ACOT12: variants seen among roughly 807,000 people sequenced by gnomAD.
ACOT12 encodes the protein acetyl-coenzyme A thioesterase.
A neutral mutation model predicts 67.7 loss-of-function variants in ACOT12; 51 were observed. That is an observed-to-expected ratio of 0.75 (90% CI 0.60 to 0.95). The LOEUF (loss-of-function observed/expected upper bound fraction) is 0.95. ACOT12 is among the 40% of genes least tolerant of loss of function. ACOT12 has a pLI of 0.00. For missense variants in ACOT12, 734 were observed against 708.1 expected (o/e 1.04, Z -0.41); for synonymous variants, 251 against 244.6 (o/e 1.03, Z -0.24).
chr5:81,374,501 G>A (rs1370600782), intron 2 of ACOT12, among the ~76,000 whole-genome samples: 1 of 152,154 alleles, frequency 6.6e-6, no homozygotes, highest in East Asian at 1.9e-4. Context: ...TTGATGAATT[G>A]ACAGAAGAAG....
chr5:81,338,647 T>C (rs1392945666), intron 11 of ACOT12, among the ~76,000 whole-genome samples: 2 of 152,212 alleles, frequency 1.3e-5, no homozygotes, highest in Non-Finnish European at 2.9e-5. Flanking sequence ...ACTCAAACGT[T>C]TTCTTTATCA....
At chr5:81,357,756 A>G (rs1195796514) in intron 5 of ACOT12, among the ~76,000 whole-genome samples, 2 of 152,306 alleles carry the variant, frequency 1.3e-5, no homozygotes, top group East Asian at 3.9e-4. Flanking sequence ...CTGTAACCCC[A>G]GCACTTTGGG....
intron 10 of ACOT12, among the ~76,000 whole-genome samples, chr5:81,343,418 C>T (rs1025991241): frequency 2.0e-5 from 3 of 152,162 alleles, no homozygotes; most frequent in Middle Eastern, 3.2e-3. Context: ...GACTGATAAT[C>T]AATGTGTAAT....
chr5:81,308,747 G>A, the ACOT12 span: 1 of 1,586,112 alleles, frequency 6.3e-7, no homozygotes, highest in Non-Finnish European at 8.6e-7. Flanking sequence ...TTTGTTCATG[G>A]GGAAAGCCAA....
chr5:81,349,769 A>C (rs1322460364), intron 5 of ACOT12, among the ~76,000 whole-genome samples: 1 of 152,202 alleles, frequency 6.6e-6, no homozygotes, highest in Non-Finnish European at 1.5e-5. Context: ...TATTAAATGA[A>C]ATGAATGAAT....
At position 81,330,646 on chromosome 5, in the gene ACOT12, T is replaced by C. The variant is rs1758787480; in HGVS notation, c.1519-103A>G. The C allele has an allele frequency of 2.0e-6, 3 of 1,486,894 alleles. No individual in the cohort carries two copies. The African/African-American group carries it at 4.2e-5, about 21-fold the overall frequency. 92.1% of individuals were successfully genotyped at this position (1,486,894 alleles called of 1,614,324 possible). A position where few individuals can be genotyped will look rare whatever the true frequency, so the allele number is the denominator to read the frequency against. On this transcript the variant is annotated intron_variant, in intron 14 of 14. Coordinates refer to ENST00000307624, the MANE Select transcript of ACOT12 (RefSeq NM_130767.3). ...GGTGTAGGGGAGGCTAAGACCCTAA[T>C]CTTCTGGGGGACCTTCTGGAATAGA... is the stretch of plus-strand genomic sequence containing the variant.
chr5:81,325,558 C>T (rs975892303), downstream of ACOT12, among the ~76,000 whole-genome samples: 1 of 151,954 alleles, frequency 6.6e-6, no homozygotes, highest in Admixed American at 6.6e-5. Context: ...GACAAGGAAA[C>T]GGGGGGGCAT....
intron 2 of ACOT12, among the ~76,000 whole-genome samples, chr5:81,380,581 G>A (rs3857368): frequency 0.83 from 98,236 of 117,838 alleles, 39,365 homozygotes; most frequent in East Asian, 0.9. Context: ...AAAAAAAAAA[G>A]AAAAGAAATC....
intron 5 of ACOT12, among the ~76,000 whole-genome samples, chr5:81,355,458 C>T (rs1211653891): frequency 6.6e-6 from 1 of 152,110 alleles, no homozygotes; most frequent in Non-Finnish European, 1.5e-5. Flanking sequence ...AGAAGTAGGG[C>T]ACAGAAAGAC....
chr5:81,383,237 G>T (rs1268516352), intron 2 of ACOT12, among the ~76,000 whole-genome samples: 1 of 152,136 alleles, frequency 6.6e-6, no homozygotes, highest in Non-Finnish European at 1.5e-5. Context: ...CATTATCAGG[G>T]CATGGTGGCA....
chr5:81,361,057 G>A, intron 4 of ACOT12, among the ~76,000 whole-genome samples: 1 of 115,750 alleles, frequency 8.6e-6, no homozygotes, highest in African/African-American at 3.3e-5. Context: ...CAGCCTGGGA[G>A]ACAGAGTGAG....
chr5:81,369,455 G>C (rs1331141844), intron 3 of ACOT12, among the ~76,000 whole-genome samples: 1 of 152,064 alleles, frequency 6.6e-6, no homozygotes, highest in East Asian at 1.9e-4. Context: ...GTTTGAAAAA[G>C]TAAAAATAAA....
At chr5:81,318,105 C>A in the ACOT12 span, among the ~76,000 whole-genome samples, 71,850 of 151,642 alleles carry the variant, frequency 0.47, 17,702 homozygotes, top group Admixed American at 0.6. Flanking sequence ...CTAGTCTCGA[C>A]CTCCTGACCT....
the ACOT12 span, among the ~76,000 whole-genome samples, chr5:81,317,753 C>T: frequency 6.6e-6 from 1 of 152,164 alleles, no homozygotes; most frequent in Non-Finnish European, 1.5e-5. Flanking sequence ...GAATCACTTC[C>T]CATCAGGCCC....
rs548227432 is a variant in ACOT12 at position 81,373,148 on chromosome 5, A to G, written c.198-1338T>C. On this transcript the variant is annotated intron_variant, in intron 2 of 14. Coordinates refer to ENST00000307624, the MANE Select transcript of ACOT12 (RefSeq NM_130767.3). ...TGCAGAAGGGGGGTGATTTTTCTGCATTTCCAAATGAGGTACCCAGTTCAT... is the reference window on the plus strand; with the variant it reads ...TGCAGAAGGGGGGTGATTTTTCTGCGTTTCCAAATGAGGTACCCAGTTCAT... Among the ~76,000 whole-genome samples the G allele has an allele frequency of 4.6e-5, 7 of 152,288 alleles. No individual in the cohort carries two copies. The South Asian group carries it at 1.5e-3, about 32-fold the overall frequency.
chr5:81,385,488 G>A (rs899226389), intron 2 of ACOT12, among the ~76,000 whole-genome samples: 1 of 152,052 alleles, frequency 6.6e-6, no homozygotes, highest in African/African-American at 2.4e-5. Flanking sequence ...TAGAAAGTCT[G>A]TTTGGCTGTT....
chr5:81,387,009 T>TTCAGA (rs1760745120), intron 1 of ACOT12, among the ~76,000 whole-genome samples: 1 of 107,720 alleles, frequency 9.3e-6, no homozygotes, highest in African/African-American at 2.7e-5. Context: ...TTTTTTTTTT[T>TTCAGA]TTTTTTTTTC....
At chr5:81,323,329 T>A in the ACOT12 span, among the ~76,000 whole-genome samples, 2 of 152,192 alleles carry the variant, frequency 1.3e-5, no homozygotes, top group Admixed American at 6.5e-5. Flanking sequence ...GCTGGGCTTG[T>A]CCACATCCAT....
chr5:81,376,499 C>T (rs888621174), intron 2 of ACOT12, among the ~76,000 whole-genome samples: 5 of 151,430 alleles, frequency 3.3e-5, no homozygotes, highest in Non-Finnish European at 7.4e-5. Flanking sequence ...CAGAGCAGAA[C>T]TGAAGGAGAT....
Sources: gnomAD v4.1 joint callset for allele counts (sites outside exome capture counted in the v4.1 genomes callset) on GRCh38, gnomAD v4.1.1 for gene constraint, MANE v1.5 for transcripts, NCBI Gene and HGNC (gene_info 2026-07-23, HGNC 2026-07-21) for gene names.